TRAF3IP2: variants seen among roughly 807,000 people sequenced by gnomAD.
The protein encoded by TRAF3IP2 is TRAF3 interacting protein 2.
A neutral mutation model predicts 57.9 loss-of-function variants in TRAF3IP2; 35 were observed. The ratio of observed to expected loss-of-function variants is 0.60; its 90% CI spans 0.46 to 0.80. The LOEUF (loss-of-function observed/expected upper bound fraction) is 0.80. Among genes scored for constraint, TRAF3IP2 ranks in the 30% least tolerant of loss-of-function variants. TRAF3IP2 has a pLI of 0.00. For missense variants in TRAF3IP2, 556 were observed against 706.4 expected (o/e 0.79, Z 2.41); for synonymous variants, 251 against 268.9 (o/e 0.93, Z 0.65).
chr6:111,580,723 C>A (rs1230822716), intron 2 of TRAF3IP2, among the ~76,000 whole-genome samples: 1 of 152,220 alleles, frequency 6.6e-6, no homozygotes, highest in African/African-American at 2.4e-5. Context: ...ACCTCTTTCA[C>A]ACCACCATTC....
chr6:111,601,187 G>A lies in TRAF3IP2; in HGVS notation c.-9+4589C>T, dbSNP rs1164494472. The A allele has an allele frequency of 2.1e-5, 16 of 779,008 alleles. No homozygotes were observed. The South Asian group carries it at 2.1e-4, about 10-fold the overall frequency. The allele number at this position is 779,008 out of a possible 1,614,324, so 48.3% of individuals were successfully genotyped here. ...GATTCTGTAATAAATATGCTTCAGA[G>A]CCATTCACCTTGAAGCTGAGGAGGC... On this transcript the variant is annotated intron_variant, in intron 1 of 8. Transcript: ENST00000368761.
At chr6:111,586,524 C>T (rs1796343215) in intron 2 of TRAF3IP2, among the ~76,000 whole-genome samples, 1 of 152,050 alleles carries the variant, frequency 6.6e-6, no homozygotes, top group Non-Finnish European at 1.5e-5. Context: ...TTATTTCCAC[C>T]TACTTTGAAA....
chr6:111,561,456 G>A (rs1176016301), intron 8 of TRAF3IP2, among the ~76,000 whole-genome samples: 1 of 152,060 alleles, frequency 6.6e-6, no homozygotes, highest in African/African-American at 2.4e-5. Flanking sequence ...ACAACCAAAA[G>A]AGGTGTCGGG....
intron 4 of TRAF3IP2, among the ~76,000 whole-genome samples, chr6:111,575,393 C>A (rs940478847): frequency 6.6e-6 from 1 of 151,882 alleles, no homozygotes. Flanking sequence ...TCGAGACCAT[C>A]CTGGCCAACA....
chr6:111,556,536 AAAG>A lies in TRAF3IP2; in HGVS notation c.*2866_*2868del, dbSNP rs1231690132. ...ACTAAAAAAGATAATGAAAAAAGAG[AAAG>A]AAGACTTGAAGTTTGTGTTTGGGTG... is the stretch of plus-strand genomic sequence containing the variant. On this transcript the variant is annotated 3_prime_UTR_variant, in exon 9 of 9. Transcript: ENST00000368761. 1.3e-5 allele frequency: 2 copies of A among 152,226 alleles called. No homozygotes were observed. Among genetic ancestry groups the A allele is most frequent in the Non-Finnish European group, 2.9e-5 (2 of 68,044 alleles). 9.4% of individuals were successfully genotyped at this position (152,226 alleles called of 1,614,324 possible). A position where few individuals can be genotyped will look rare whatever the true frequency, so the allele number is the denominator to read the frequency against.
chr6:111,603,084 GCACACACACACACA>G (rs3066041), intron 1 of TRAF3IP2, among the ~76,000 whole-genome samples: 2 of 149,858 alleles, frequency 1.3e-5, no homozygotes, highest in Non-Finnish European at 3.0e-5. Flanking sequence ...CACAAGGTGT[GCACACACACACACA>G]CACACACACA....
rs113085690 is a variant in TRAF3IP2 at position 111,572,704 on chromosome 6, A to G, written c.1290+191T>C. ...CACTCAAACAGCATACAGGAAAAAA[A>G]TGCTGGAGACTTCAGATAGCTTAAA... On this transcript the variant is annotated intron_variant, in intron 5 of 8. Coordinates refer to ENST00000368761, the MANE Select transcript of TRAF3IP2 (RefSeq NM_147686.4). 8 of 591,382 alleles carry G rather than the reference A, an allele frequency of 1.4e-5. 1 individual carries two copies. Among genetic ancestry groups the G allele is most frequent in the Middle Eastern group, 4.5e-4 (1 of 2,198 alleles). The allele number at this position is 591,382 out of a possible 1,614,324, so 36.6% of individuals were successfully genotyped here.
Position 111,605,208 on chromosome 6 carries a change from C to T in TRAF3IP2, c.-9+568G>A, listed in dbSNP as rs573288305. 3.3e-5 allele frequency among the ~76,000 whole-genome samples: 5 copies of T among 152,338 alleles called. No homozygotes were observed. In the South Asian group the frequency reaches 1.0e-3, roughly 32 times the overall value. ...CCCCCTTGTTCCCAAAGGCTCCGTCCAGCGCCAGGCTGGGAGGGCTGGAGG... is the reference window on the plus strand; with the variant it reads ...CCCCCTTGTTCCCAAAGGCTCCGTCTAGCGCCAGGCTGGGAGGGCTGGAGG... On this transcript the variant is annotated intron_variant, in intron 1 of 8. Transcript: ENST00000368761.
chr6:111,580,866 A>G (rs1157353252), intron 2 of TRAF3IP2, among the ~76,000 whole-genome samples: 3 of 152,190 alleles, frequency 2.0e-5, no homozygotes, highest in Non-Finnish European at 4.4e-5. Context: ...ACGTGCGCGC[A>G]CACACACACC....
intron 2 of TRAF3IP2, among the ~76,000 whole-genome samples, chr6:111,585,256 G>A (rs1025689777): frequency 1.3e-5 from 2 of 151,654 alleles, no homozygotes; most frequent in African/African-American, 4.8e-5. Flanking sequence ...ATAACTATTT[G>A]CTGAATAAAT....
At chr6:111,570,481 T>C (rs1036892533) in intron 5 of TRAF3IP2, among the ~76,000 whole-genome samples, 2 of 152,184 alleles carry the variant, frequency 1.3e-5, no homozygotes, top group African/African-American at 4.8e-5. Flanking sequence ...AAATTACTCA[T>C]TAAGTGTTTC....
intron 1 of TRAF3IP2, chr6:111,601,859 A>T (rs1350560130): frequency 6.6e-6 from 1 of 151,746 alleles, no homozygotes; most frequent in Non-Finnish European, 1.5e-5. Flanking sequence ...TCATGGATTT[A>T]AAAAAAAATC....
chr6:111,557,140 AAAAAC>A lies in TRAF3IP2; in HGVS notation c.*2260_*2264del, dbSNP rs1252577458. On this transcript the variant is annotated 3_prime_UTR_variant, in exon 9 of 9. Coordinates refer to ENST00000368761, the MANE Select transcript of TRAF3IP2 (RefSeq NM_147686.4). ...GACCCTGTCTCAAAAAAAAGAAAAA[AAAAAC>A]AAAACGGTGGACTGTCTTGTAGCAC... is the stretch of plus-strand genomic sequence containing the variant. 2.6e-5 allele frequency: 4 copies of A among 152,216 alleles called. No homozygotes were observed. Among genetic ancestry groups the A allele is most frequent in the Non-Finnish European group, 5.9e-5 (4 of 68,158 alleles). The allele number at this position is 152,216 out of a possible 1,614,324, so 9.4% of individuals were successfully genotyped here.
At chr6:111,571,276 C>T (rs936317263) in intron 5 of TRAF3IP2, among the ~76,000 whole-genome samples, 6 of 152,096 alleles carry the variant, frequency 3.9e-5, no homozygotes, top group Non-Finnish European at 5.9e-5. Flanking sequence ...TAGGGTTTCA[C>T]TATGTTGTCC....
chr6:111,596,279 G>A (rs1299856581), intron 1 of TRAF3IP2, among the ~76,000 whole-genome samples: 1 of 151,934 alleles, frequency 6.6e-6, no homozygotes, highest in Non-Finnish European at 1.5e-5. Flanking sequence ...AACTTCCTAA[G>A]GGTGCAATTT....
At chr6:111,572,363 T>C (rs1235028486) in intron 5 of TRAF3IP2, among the ~76,000 whole-genome samples, 1 of 152,170 alleles carries the variant, frequency 6.6e-6, no homozygotes, top group East Asian at 1.9e-4. Context: ...ACCTGGCCAG[T>C]ATCACCCATC....
At chr6:111,561,433 C>T (rs776526737) in intron 8 of TRAF3IP2, among the ~76,000 whole-genome samples, 7 of 152,034 alleles carry the variant, frequency 4.6e-5, no homozygotes, top group Admixed American at 3.3e-4. Context: ...AGCAAGACTC[C>T]GTCTCAAAAC....
chr6:111,588,030 G>T (rs1407682196), intron 2 of TRAF3IP2, among the ~76,000 whole-genome samples: 2 of 152,146 alleles, frequency 1.3e-5, no homozygotes, highest in African/African-American at 2.4e-5. Flanking sequence ...CTGGGAGATT[G>T]CACCAATTTA....
chr6:111,581,889 A>G (rs943949161), intron 2 of TRAF3IP2, among the ~76,000 whole-genome samples: 6 of 152,162 alleles, frequency 3.9e-5, no homozygotes, highest in Admixed American at 1.3e-4. Context: ...GAGGCAGGAG[A>G]AACCCTTGAA....
Sources: gnomAD v4.1 joint callset for allele counts (sites outside exome capture counted in the v4.1 genomes callset) on GRCh38, gnomAD v4.1.1 for gene constraint, MANE v1.5 for transcripts, NCBI Gene and HGNC (gene_info 2026-07-23, HGNC 2026-07-21) for gene names.